GYS2: variants seen among roughly 807,000 people sequenced by gnomAD.
GYS2 encodes glycogen [starch] synthase, liver.
Under a neutral mutation model 85.6 loss-of-function variants are expected in GYS2, and 80 were observed. The ratio of observed to expected loss-of-function variants is 0.93; its 90% CI spans 0.78 to 1.13. The LOEUF is 1.13. Among genes scored for constraint, GYS2 ranks in the 50% most tolerant of loss-of-function variants. GYS2 has a pLI of 0.00. For missense variants in GYS2, 881 were observed against 854.9 expected, an observed-to-expected ratio of 1.03 and a Z score of -0.38; for synonymous variants, 328 against 300.7, an observed-to-expected ratio of 1.09 and a Z score of -0.94.
intron 1 of GYS2, among the ~76,000 whole-genome samples, chr12:21,589,665 A>G (rs1006478594): frequency 2.0e-5 from 3 of 152,132 alleles, no homozygotes; most frequent in African/African-American, 7.2e-5. Flanking sequence ...TCGAAAGTTA[A>G]GTGACTGACT....
At chr12:21,602,890 G>A (rs1220860211) in intron 1 of GYS2, among the ~76,000 whole-genome samples, 1 of 152,046 alleles carries the variant, frequency 6.6e-6, no homozygotes, top group East Asian at 1.9e-4. Flanking sequence ...CTCTGCTCAG[G>A]TGCAGGAACT....
At chr12:21,544,522 CTATCCATGATACTTCCAA>C (rs1944015566) in intron 12 of GYS2, among the ~76,000 whole-genome samples, 1 of 152,176 alleles carries the variant, frequency 6.6e-6, no homozygotes, top group Non-Finnish European at 1.5e-5. Flanking sequence ...GTATACTCTT[CTATCCATGATACTTCCAA>C]TAGTAAATTG....
intron 11 of GYS2, among the ~76,000 whole-genome samples, chr12:21,551,142 C>T (rs1369770682): frequency 1.4e-5 from 2 of 144,186 alleles, no homozygotes; most frequent in African/African-American, 5.1e-5. Context: ...GTATATCTCC[C>T]AATGCTATCC....
intron 1 of GYS2, among the ~76,000 whole-genome samples, chr12:21,602,196 G>A (rs1425735411): frequency 6.6e-6 from 1 of 152,068 alleles, no homozygotes; most frequent in Non-Finnish European, 1.5e-5. Flanking sequence ...TTGACTGCAA[G>A]TACTGTGTTC....
chr12:21,543,717 T>C (rs1339886277), intron 12 of GYS2, among the ~76,000 whole-genome samples: 1 of 152,112 alleles, frequency 6.6e-6, no homozygotes, highest in Non-Finnish European at 1.5e-5. Flanking sequence ...ATGCATTAGG[T>C]ATTTGTCCTA....
intron 7 of GYS2, among the ~76,000 whole-genome samples, chr12:21,562,207 C>T (rs1944261846): frequency 6.6e-6 from 1 of 152,092 alleles, no homozygotes; most frequent in Non-Finnish European, 1.5e-5. Flanking sequence ...CTTCTTTTTC[C>T]TCCTTCATGC....
At chr12:21,596,568 C>T (rs1331536777) in intron 1 of GYS2, among the ~76,000 whole-genome samples, 3 of 152,066 alleles carry the variant, frequency 2.0e-5, no homozygotes, top group Non-Finnish European at 4.4e-5. Flanking sequence ...GATTAAAATG[C>T]TCAGCAAAAT....
intron 11 of GYS2, among the ~76,000 whole-genome samples, chr12:21,554,286 G>T (rs1185443516): frequency 6.6e-6 from 1 of 151,954 alleles, no homozygotes; most frequent in East Asian, 1.9e-4. Context: ...ACAGACTGAG[G>T]CATTTTTAAA....
downstream of GYS2, chr12:21,532,973 A>T (rs1405293393): frequency 6.6e-6 from 1 of 152,210 alleles, no homozygotes; most frequent in Non-Finnish European, 1.5e-5. Context: ...CAACTCTCTT[A>T]TGGTGTCTAT....
At chr12:21,595,999 T>C (rs1944691663) in intron 1 of GYS2, among the ~76,000 whole-genome samples, 1 of 152,152 alleles carries the variant, frequency 6.6e-6, no homozygotes, top group South Asian at 2.1e-4. Context: ...ACACATTCTA[T>C]TCAACAGCGC....
At chr12:21,603,839 T>G (rs1443139511) in intron 1 of GYS2, among the ~76,000 whole-genome samples, 1 of 152,184 alleles carries the variant, frequency 6.6e-6, no homozygotes, top group East Asian at 1.9e-4. Flanking sequence ...TGCCTTCTCT[T>G]ACCCAGCACA....
chr12:21,535,506 T>C (rs946364269), downstream of GYS2, among the ~76,000 whole-genome samples: 13 of 152,198 alleles, frequency 8.5e-5, no homozygotes, highest in African/African-American at 2.4e-4. Context: ...TTAGGTCAAT[T>C]ATTTCTCTTC....
At chr12:21,588,013 A>C (rs1205399505) in intron 1 of GYS2, among the ~76,000 whole-genome samples, 1 of 152,226 alleles carries the variant, frequency 6.6e-6, no homozygotes, top group Non-Finnish European at 1.5e-5. Context: ...ACAGCACTAA[A>C]TAATAATCAC....
At chr12:21,573,896 T>A (rs112738123) in intron 4 of GYS2, among the ~76,000 whole-genome samples, 11 of 152,338 alleles carry the variant, frequency 7.2e-5, no homozygotes, top group African/African-American at 2.6e-4. Context: ...CATATCCCTC[T>A]GGAACTATTG....
intron 1 of GYS2, among the ~76,000 whole-genome samples, chr12:21,582,574 GAT>G (rs2136916105): frequency 1.4e-5 from 2 of 141,936 alleles, no homozygotes; most frequent in African/African-American, 5.2e-5. Flanking sequence ...TATAGATATA[GAT>G]ATAGAGATAG....
At chr12:21,589,088 T>A (rs1181377891) in intron 1 of GYS2, among the ~76,000 whole-genome samples, 1 of 152,252 alleles carries the variant, frequency 6.6e-6, no homozygotes, top group East Asian at 1.9e-4. Flanking sequence ...AGATGTTTTA[T>A]TTACATTTTT....
At chr12:21,583,686 C>G (rs1424445683) in intron 1 of GYS2, among the ~76,000 whole-genome samples, 1 of 152,198 alleles carries the variant, frequency 6.6e-6, no homozygotes, top group Non-Finnish European at 1.5e-5. Context: ...AGGGAGAAAG[C>G]TCTTGGCCTG....
intron 1 of GYS2, among the ~76,000 whole-genome samples, chr12:21,590,201 A>C (rs1415033055): frequency 6.6e-6 from 1 of 152,146 alleles, no homozygotes; most frequent in Non-Finnish European, 1.5e-5. Flanking sequence ...AGTAGCTGCT[A>C]ATTCACTCAG....
intron 1 of GYS2, among the ~76,000 whole-genome samples, chr12:21,582,003 CTTAA>C (rs1944515108): frequency 6.6e-6 from 1 of 151,968 alleles, no homozygotes. Context: ...ACAAATGGGA[CTTAA>C]TTAAACTAAA....
Sources: allele counts gnomAD v4.1 joint callset (sites outside exome capture counted in the v4.1 genomes callset), GRCh38; gene constraint gnomAD v4.1.1; transcripts MANE v1.5; gene names NCBI Gene and HGNC (gene_info 2026-07-23, HGNC 2026-07-21).